CCN4: variants seen among roughly 807,000 people sequenced by gnomAD.
CCN4 encodes CCN family member 4.
CCN4 carries 30 observed loss-of-function variants against 36.7 expected under a neutral mutation model. The ratio of observed to expected loss-of-function variants is 0.82; its 90% CI spans 0.61 to 1.11. CCN4 has a LOEUF of 1.11. Ranked by LOEUF, CCN4 falls within the 50% of genes least tolerant of loss-of-function variation. The probability of loss-of-function intolerance (pLI) is 0.00; values close to 1 mark genes in which losing one functional copy is unlikely to be tolerated. For synonymous variants in CCN4, 191 were observed against 195.4 expected, an observed-to-expected ratio of 0.98 and a Z score of 0.19; for missense variants, 505 against 504.9, an observed-to-expected ratio of 1.00 and a Z score of 0.00.
chr8:133,216,113 T>C (rs1210265470), intron 2 of CCN4, among the ~76,000 whole-genome samples: 1 of 152,130 alleles, frequency 6.6e-6, no homozygotes, highest in African/African-American at 2.4e-5. Flanking sequence ...GCTACCATAG[T>C]GTCTGAATTC....
In CCN4 at chr8:133,230,869, C is replaced by T. The variant is rs1332161879; in HGVS notation, c.*3159C>T. ...TATCTCATTTAATCCTCACAGCAAA[C>T]CTATAGAATATGGCATTATCATCTG... On this transcript the variant is annotated 3_prime_UTR_variant, in exon 5 of 5. Transcript: ENST00000250160. The T allele has an allele frequency of 6.6e-6, 1 of 152,116 alleles. No homozygotes were observed. Among genetic ancestry groups the T allele is most frequent in the East Asian group, 1.9e-4 (1 of 5,190 alleles). 9.4% of individuals were successfully genotyped at this position (152,116 alleles called of 1,614,324 possible).
intron 1 of CCN4, among the ~76,000 whole-genome samples, chr8:133,196,208 C>T (rs563741081): frequency 4.6e-5 from 7 of 152,128 alleles, no homozygotes; most frequent in African/African-American, 1.2e-4. Context: ...TATGAGGCAG[C>T]GGTGTTGCTG....
chr8:133,198,714 G>C (rs1189880797), intron 1 of CCN4, among the ~76,000 whole-genome samples: 2 of 152,182 alleles, frequency 1.3e-5, no homozygotes, highest in Non-Finnish European at 2.9e-5. Context: ...TCTTGTTCTT[G>C]CCCACGTGGA....
rs1854126003 is a variant in CCN4, at chr8:133,213,139, T to C, written c.345T>C (p.Cys115=). ...GDRPRYAIGV[C]AQVVGVGCVL... ...GCCCGAGGTACGCAATAGGAGTGTGTGCACGTAAGTGAGTCCTCCATACCT... is the reference window on the plus strand; with the variant it reads ...GCCCGAGGTACGCAATAGGAGTGTGCGCACGTAAGTGAGTCCTCCATACCT... The change falls in exon 2 of 5, where the codon TGT becomes TGC. Residue 115 remains cysteine, a synonymous_variant. Coordinates refer to ENST00000250160, the MANE Select transcript of CCN4 (RefSeq NM_003882.4). 1 of 1,494,406 alleles carries C rather than the reference T, an allele frequency of 6.7e-7. No individual in the cohort carries two copies. The highest frequency in any genetic ancestry group is 8.9e-7 in the Non-Finnish European group (1 of 1,124,588). The allele number at this position is 1,494,406 out of a possible 1,614,324, so 92.6% of individuals were successfully genotyped here. A position where few individuals can be genotyped will look rare whatever the true frequency, so the allele number is the denominator to read the frequency against.
Position 133,230,264 on chromosome 8 carries a change from C to T in CCN4, c.*2554C>T, listed in dbSNP as rs560933676. 166 of 152,318 alleles carry T rather than the reference C, an allele frequency of 1.1e-3. 1 individual carries two copies. Among genetic ancestry groups the T allele is most frequent in the African/African-American group, 3.9e-3 (162 of 41,568 alleles). 9.4% of individuals were successfully genotyped at this position (152,318 alleles called of 1,614,324 possible). A position where few individuals can be genotyped will look rare whatever the true frequency, so the allele number is the denominator to read the frequency against. ...GAAATTTGGATCCAATGTAATGAAG[C>T]GCTTTCTAAGTCAGAATTTCCCTGC... is the stretch of plus-strand genomic sequence containing the variant. On this transcript the variant is annotated 3_prime_UTR_variant, in exon 5 of 5. Coordinates refer to ENST00000250160, the MANE Select transcript of CCN4 (RefSeq NM_003882.4).
chr8:133,217,490 T>C (rs2130599042), intron 2 of CCN4, among the ~76,000 whole-genome samples: 1 of 152,326 alleles, frequency 6.6e-6, no homozygotes, highest in South Asian at 2.1e-4. Flanking sequence ...GTCTTCACCA[T>C]CTCGCCTTTG....
At chr8:133,224,268 T>C (rs1854647163) in intron 3 of CCN4, among the ~76,000 whole-genome samples, 1 of 115,406 alleles carries the variant, frequency 8.7e-6, no homozygotes, top group Non-Finnish European at 1.8e-5. Flanking sequence ...TGAGACAGAA[T>C]CCTGCTTTTT....
rs1483858688 is a variant in CCN4 at position 133,225,297 on chromosome 8, G to T, written c.611-93G>T. ...ACAGCCAATTTCTGTGTTCCTCTGA[G>T]TTCTGGGGACCGCAGACCTTAGTGT... On this transcript the variant is annotated intron_variant, in intron 3 of 4. Transcript: ENST00000250160. 4 of 1,358,996 alleles carry T rather than the reference G, an allele frequency of 2.9e-6. No individual in the cohort carries two copies. In the African/African-American group the frequency reaches 5.8e-5, roughly 20 times the overall value. The allele number at this position is 1,358,996 out of a possible 1,614,324, so 84.2% of individuals were successfully genotyped here.
At chr8:133,200,133 C>T (rs61330647) in intron 1 of CCN4, among the ~76,000 whole-genome samples, 3,774 of 152,278 alleles carry the variant, frequency 0.025, 57 homozygotes, top group Middle Eastern at 0.048. Context: ...GATGGAGTCA[C>T]GCTCTGGGCG....
At chr8:133,194,360 G>T (rs1673759216) in intron 1 of CCN4, among the ~76,000 whole-genome samples, 1 of 113,658 alleles carries the variant, frequency 8.8e-6, no homozygotes, top group African/African-American at 3.4e-5. Context: ...GTGGTGGTGT[G>T]TGGGGGTGTG....
intron 1 of CCN4, among the ~76,000 whole-genome samples, chr8:133,193,851 T>C (rs1464734950): frequency 6.6e-6 from 1 of 152,140 alleles, no homozygotes; most frequent in Non-Finnish European, 1.5e-5. Context: ...GGGCATGTAG[T>C]CCCTGCCCGA....
rs1854184886 is a variant in CCN4 at position 133,213,962 on chromosome 8, C to CTATATATACACTATATATAG, written c.349+822_349+841dup. Among the ~76,000 whole-genome samples, 3 of 17,300 alleles carry CTATATATACACTATATATAG rather than the reference C, an allele frequency of 1.7e-4. 1 individual carries two copies. Among genetic ancestry groups the CTATATATACACTATATATAG allele is most frequent in the African/African-American group, 4.0e-4 (2 of 4,944 alleles). 11.3% of individuals were successfully genotyped at this position (17,300 alleles called of 152,430 possible). A position where few individuals can be genotyped will look rare whatever the true frequency, so the allele number is the denominator to read the frequency against. On this transcript the variant is annotated intron_variant, in intron 2 of 4. Coordinates refer to ENST00000250160, the MANE Select transcript of CCN4 (RefSeq NM_003882.4). ...ACACTATATATAGTAGTTATATATA[C>CTATATATACACTATATATAG]TATATATACACTATATATAGTAGTT...
At chr8:133,212,180 G>A (rs1464062141) in intron 1 of CCN4, among the ~76,000 whole-genome samples, 1 of 152,120 alleles carries the variant, frequency 6.6e-6, no homozygotes, top group East Asian at 1.9e-4. Flanking sequence ...TCATTGCCCT[G>A]ACAGCAAAAT....
chr8:133,193,660 T>C (rs191718051), intron 1 of CCN4, among the ~76,000 whole-genome samples: 143 of 152,320 alleles, frequency 9.4e-4, no homozygotes, highest in South Asian at 8.3e-4. Flanking sequence ...ACAATTCCCA[T>C]AACAATATTA....
intron 1 of CCN4, among the ~76,000 whole-genome samples, chr8:133,203,791 G>C (rs1283195648): frequency 1.3e-5 from 2 of 152,158 alleles, no homozygotes; most frequent in African/African-American, 4.8e-5. Flanking sequence ...CATCAAACGG[G>C]ACGCTTCAGA....
intron 3 of CCN4, 47 bp downstream of exon 3, chr8:133,220,888 T>C: frequency 6.4e-7 from 1 of 1,555,402 alleles, no homozygotes; most frequent in Non-Finnish European, 8.7e-7. Context: ...TACAAATGGG[T>C]TGTGGACCCT....
intron 1 of CCN4, 108 bp from the exon 2 acceptor site, chr8:133,212,756 A>G: frequency 1.1e-6 from 1 of 873,910 alleles, no homozygotes; most frequent in Non-Finnish European, 1.7e-6. Flanking sequence ...AAATAATTTT[A>G]TGAAAACCTT....
chr8:133,225,614 C>T (rs989652258), intron 4 of CCN4, 31 bp downstream of exon 4: 3 of 1,507,552 alleles, frequency 2.0e-6, no homozygotes, highest in Non-Finnish European at 2.7e-6. Context: ...GATGTCTAGA[C>T]TTCACAAGCA....
At chr8:133,225,262 G>A in intron 3 of CCN4, 128 bp from the exon 4 acceptor site, 1 of 924,716 alleles carries the variant, frequency 1.1e-6, no homozygotes, top group Non-Finnish European at 1.6e-6. Context: ...TTGCTGTCCT[G>A]TGGGGAGGTA....
Sources: allele counts gnomAD v4.1 joint callset (sites outside exome capture counted in the v4.1 genomes callset), GRCh38; gene constraint gnomAD v4.1.1; transcripts MANE v1.5; gene names NCBI Gene and HGNC (gene_info 2026-07-23, HGNC 2026-07-21).